The following SERINC1 variants were observed in gnomAD, a reference collection of about 807,000 sequenced individuals.
SERINC1 encodes serine incorporator 1.
Under a neutral mutation model 52.9 loss-of-function variants are expected in SERINC1, and 38 were observed. The observed-to-expected ratio is 0.72, with a 90% CI of 0.55 to 0.94. The LOEUF (loss-of-function observed/expected upper bound fraction) is 0.94, where lower values mean the gene tolerates loss of function less well. SERINC1 is among the 40% of genes least tolerant of loss of function. The probability of loss-of-function intolerance (pLI) is 0.00; values close to 1 mark genes in which losing one functional copy is unlikely to be tolerated. For missense variants in SERINC1, 471 were observed against 533.9 expected (o/e 0.88, Z 1.16); for synonymous variants, 198 against 183.1 (o/e 1.08, Z -0.66).
intron 1 of SERINC1, among the ~76,000 whole-genome samples, chr6:122,465,607 T>A (rs1464375466): frequency 6.6e-6 from 1 of 152,136 alleles, no homozygotes; most frequent in Non-Finnish European, 1.5e-5. Flanking sequence ...GCTTCCACAA[T>A]AAACTGGTTG....
intron 2 of SERINC1, among the ~76,000 whole-genome samples, 196 bp from the exon 3 acceptor site, chr6:122,456,846 T>A (rs1165214647): frequency 6.6e-6 from 1 of 152,196 alleles, no homozygotes; most frequent in Admixed American, 6.5e-5. Flanking sequence ...AATCCCCATC[T>A]GCGCAAATCA....
chr6:122,469,238 G>GA (rs34539560), intron 1 of SERINC1, among the ~76,000 whole-genome samples: 14,325 of 152,094 alleles, frequency 0.094, 769 homozygotes, highest in South Asian at 0.14. Flanking sequence ...TATAAATAAG[G>GA]AAAAAACTTT....
At chr6:122,447,864 C>T (rs1774833980) in intron 7 of SERINC1, among the ~76,000 whole-genome samples, 1 of 152,018 alleles carries the variant, frequency 6.6e-6, no homozygotes, top group Non-Finnish European at 1.5e-5. Flanking sequence ...GCCTGTAATC[C>T]CAGCACTTTG....
chr6:122,459,052 T>C (rs1775053848), intron 1 of SERINC1, among the ~76,000 whole-genome samples: 1 of 152,058 alleles, frequency 6.6e-6, no homozygotes, highest in Non-Finnish European at 1.5e-5. Flanking sequence ...AGCCCCCAGA[T>C]ACTAGACTGA....
chr6:122,466,701 G>A (rs573511000), intron 1 of SERINC1, among the ~76,000 whole-genome samples: 29 of 152,150 alleles, frequency 1.9e-4, no homozygotes, highest in South Asian at 8.3e-4. Context: ...AAAATTCAAC[G>A]GAAGTTCTGA....
chr6:122,457,466 G>A (rs76774587), intron 2 of SERINC1, among the ~76,000 whole-genome samples: 1,763 of 152,148 alleles, frequency 0.012, 10 homozygotes, highest in Non-Finnish European at 0.014. Flanking sequence ...TATGGACTTC[G>A]TGTTTGTGTC....
chr6:122,447,028 G>A (rs1459416282), intron 8 of SERINC1, 24 bp from the exon 9 acceptor site: 3 of 1,576,918 alleles, frequency 1.9e-6, no homozygotes, highest in African/African-American at 1.4e-5. Context: ...AGTTTAGGAG[G>A]AGAGAAAAAA....
intron 1 of SERINC1, among the ~76,000 whole-genome samples, chr6:122,462,957 T>C (rs1326695655): frequency 6.6e-6 from 1 of 152,134 alleles, no homozygotes; most frequent in African/African-American, 2.4e-5. Context: ...ACATCAGATT[T>C]ACAGAAATAA....
rs1259774284 is a variant in SERINC1, at chr6:122,451,933, G to A, written c.714C>T (p.Leu238=). Residue 238 remains leucine (L), a synonymous_variant, in exon 6 of 10, where the codon CTC becomes CTT. Transcript: ENST00000339697. The part of the protein sequence containing the change: ...ENKAFISVNM[L]LCVGASVMSI... ...ACATTACAGAAGCACCAACGCAGAG[G>A]AGCATGTTGACACTGATGAACGCCT... The A allele has an allele frequency of 2.5e-6, 4 of 1,596,976 alleles. No homozygotes were observed. Among genetic ancestry groups the A allele is most frequent in the Middle Eastern group, 1.7e-4 (1 of 6,008 alleles).
intron 1 of SERINC1, among the ~76,000 whole-genome samples, chr6:122,469,353 T>G (rs1482033573): frequency 6.7e-6 from 1 of 150,238 alleles, no homozygotes; most frequent in East Asian, 1.9e-4. Flanking sequence ...TGAATGTTAC[T>G]TTTTTTTTGT....
intron 1 of SERINC1, among the ~76,000 whole-genome samples, chr6:122,463,011 C>G (rs1051228693): frequency 6.6e-6 from 1 of 151,944 alleles, no homozygotes; most frequent in Non-Finnish European, 1.5e-5. Context: ...TCAAACAAGT[C>G]TGAAAAAAGA....
intron 2 of SERINC1, 71 bp downstream of exon 2, chr6:122,458,449 G>A (rs536167332): frequency 2.2e-5 from 22 of 1,009,592 alleles, no homozygotes; most frequent in Middle Eastern, 2.2e-4. Context: ...CAATATCCCC[G>A]AATCAATTTT....
At chr6:122,471,154 AC>A (rs535516245) in intron 1 of SERINC1, among the ~76,000 whole-genome samples, 147 of 152,012 alleles carry the variant, frequency 9.7e-4, no homozygotes, top group African/African-American at 3.5e-3. Context: ...TGTTTCAAAA[AC>A]AATATTACTA....
chr6:122,457,571 T>C (rs1055494216), intron 2 of SERINC1, among the ~76,000 whole-genome samples: 1 of 152,094 alleles, frequency 6.6e-6, no homozygotes, highest in Non-Finnish European at 1.5e-5. Context: ...GGTAGAGCCC[T>C]CAGGATGGGA....
At chr6:122,462,684 G>T (rs1775124937) in intron 1 of SERINC1, among the ~76,000 whole-genome samples, 1 of 152,068 alleles carries the variant, frequency 6.6e-6, no homozygotes, top group Non-Finnish European at 1.5e-5. Flanking sequence ...GGTTTAATAA[G>T]GTCACATGAT....
rs531613198 is a variant in SERINC1 at position 122,451,271 on chromosome 6, T to A, written c.850+393A>T. ...ACTTGATGAAGGCTCAGATGACTGT[T>A]AGCATTTTTTGGAAATAAAGTACTT... On this transcript the variant is annotated intron_variant, in intron 7 of 9. Transcript: ENST00000339697. Among the ~76,000 whole-genome samples the A allele has an allele frequency of 2.1e-4, 32 of 152,346 alleles. No individual in the cohort carries two copies. The East Asian group carries it at 6.0e-3, about 29-fold the overall frequency.
chr6:122,454,124 TCAAA>T (rs1408220117), intron 4 of SERINC1, 23 bp downstream of exon 4: 14 of 1,385,022 alleles, frequency 1.0e-5, no homozygotes, highest in East Asian at 2.3e-5. Context: ...AATATCAATG[TCAAA>T]CAACTTAAAA....
intron 2 of SERINC1, 113 bp from the exon 3 acceptor site, chr6:122,456,763 C>A (rs897226157): frequency 1.4e-6 from 1 of 732,356 alleles, no homozygotes; most frequent in Non-Finnish European, 2.1e-6. Flanking sequence ...ATTTGCTTTA[C>A]AATTTATGAT....
At chr6:122,467,332 C>T (rs966668504) in intron 1 of SERINC1, among the ~76,000 whole-genome samples, 4 of 152,060 alleles carry the variant, frequency 2.6e-5, no homozygotes, top group African/African-American at 4.8e-5. Context: ...AGGCTGGGTG[C>T]GGTGGCTCAC....
Sources: allele counts gnomAD v4.1 joint callset (sites outside exome capture counted in the v4.1 genomes callset), GRCh38; gene constraint gnomAD v4.1.1; transcripts MANE v1.5; gene names NCBI Gene and HGNC (gene_info 2026-07-23, HGNC 2026-07-21).